The following CNTNAP2 variants were observed in gnomAD, a reference collection of about 807,000 sequenced individuals.
CNTNAP2 encodes contactin-associated protein-like 2.
In CNTNAP2, 98 loss-of-function variants were observed where a neutral mutation model predicts 155.2. That is an observed-to-expected ratio of 0.63 (90% CI 0.54 to 0.75). The LOEUF is 0.75. Among genes scored for constraint, CNTNAP2 ranks in the 30% least tolerant of loss-of-function variants. The pLI is 0.00. For missense variants in CNTNAP2, 1,727 were observed against 1,688.1 expected, an observed-to-expected ratio of 1.02 and a Z score of -0.40; for synonymous variants, 651 against 631.2, an observed-to-expected ratio of 1.03 and a Z score of -0.47.
chr7:146,411,389 C>T (rs892091475), intron 1 of CNTNAP2, among the ~76,000 whole-genome samples: 4 of 152,008 alleles, frequency 2.6e-5, no homozygotes, highest in African/African-American at 9.7e-5. Context: ...AACTCCTGAC[C>T]TTGTGATCTG....
At chr7:147,312,897 A>G (rs1441983274) in intron 9 of CNTNAP2, among the ~76,000 whole-genome samples, 3 of 131,582 alleles carry the variant, frequency 2.3e-5, no homozygotes, top group East Asian at 2.9e-4. Context: ...AAGTGTTTCT[A>G]TTTCTCCACA....
chr7:146,388,241 G>A (rs1795488822), intron 1 of CNTNAP2, among the ~76,000 whole-genome samples: 1 of 151,634 alleles, frequency 6.6e-6, no homozygotes, highest in African/African-American at 2.4e-5. Context: ...GACCAGCCTG[G>A]GCAACATGGC....
Position 146,774,279 on chromosome 7 carries a change from G to T in CNTNAP2, c.106G>T (p.Asp36Tyr). The change falls in exon 2 of 24, where the codon GAT becomes TAT. Residue 36 changes from aspartate to tyrosine, a missense_variant. Coordinates refer to ENST00000361727, the MANE Select transcript of CNTNAP2 (RefSeq NM_014141.6). ...WTAPSTSQKCDEPLVSGLPHV... is the reference protein window; with the variant it reads ...WTAPSTSQKCYEPLVSGLPHV... The stretch of plus-strand genomic sequence containing the variant: ...CTGTCTTTTGTTTTCAGAAAAATGT[G>T]ATGAGCCACTTGTCTCTGGACTCCC... 6.2e-7 allele frequency: 1 copy of T among 1,613,238 alleles called. No individual in the cohort carries two copies. Among genetic ancestry groups the T allele is most frequent in the South Asian group, 1.1e-5 (1 of 90,994 alleles).
At chr7:146,843,965 G>C (rs1803795219) in intron 3 of CNTNAP2, among the ~76,000 whole-genome samples, 1 of 152,054 alleles carries the variant, frequency 6.6e-6, no homozygotes, top group Admixed American at 6.6e-5. Context: ...GAGAAATATA[G>C]AAGATAATGT....
chr7:147,636,169 G>A (rs1191600847), intron 12 of CNTNAP2, among the ~76,000 whole-genome samples: 1 of 152,126 alleles, frequency 6.6e-6, no homozygotes, highest in Non-Finnish European at 1.5e-5. Flanking sequence ...GGTAAAACTG[G>A]AATATATTTA....
chr7:147,398,814 A>C (rs1323060642), intron 10 of CNTNAP2, among the ~76,000 whole-genome samples: 1 of 149,950 alleles, frequency 6.7e-6, no homozygotes, highest in East Asian at 2.0e-4. Flanking sequence ...TGAAAATTCT[A>C]AGCTGACATG....
At chr7:146,944,387 C>T (rs1797115289) in intron 3 of CNTNAP2, among the ~76,000 whole-genome samples, 2 of 151,696 alleles carry the variant, frequency 1.3e-5, no homozygotes, top group African/African-American at 2.4e-5. Context: ...TTATGTGTTG[C>T]ATATGGTATA....
chr7:147,935,508 C>T (rs1009932637), intron 14 of CNTNAP2, among the ~76,000 whole-genome samples: 1 of 152,108 alleles, frequency 6.6e-6, no homozygotes, highest in Non-Finnish European at 1.5e-5. Flanking sequence ...AATTTTATGC[C>T]ACCTTTTTGG....
In CNTNAP2 at chr7:147,327,635, A is replaced by G. The variant is rs145680956; in HGVS notation, c.1498+27345A>G. Among the ~76,000 whole-genome samples the G allele has an allele frequency of 2.5e-3, 383 of 152,304 alleles. 4 individuals are homozygous for G. Among genetic ancestry groups the G allele is most frequent in the African/African-American group, 8.8e-3 (366 of 41,562 alleles). On this transcript the variant is annotated intron_variant, in intron 9 of 23. Transcript: ENST00000361727. The stretch of plus-strand genomic sequence containing the variant: ...CTTTTGTAGCTGTCTGAATTTTGCA[A>G]TTATGAATGTGCATTATTTTTTCTC...
chr7:146,483,280 AAAATATATATAT>A (rs1796994522), intron 1 of CNTNAP2, among the ~76,000 whole-genome samples: 3 of 54,478 alleles, frequency 5.5e-5, no homozygotes, highest in Admixed American at 1.9e-4. Flanking sequence ...CGTCTAAAAA[AAAATATATATAT>A]ATATATATAT....
intron 18 of CNTNAP2, among the ~76,000 whole-genome samples, chr7:148,201,003 A>G (rs1441556893): frequency 6.6e-6 from 1 of 152,232 alleles, no homozygotes; most frequent in Non-Finnish European, 1.5e-5. Context: ...GATTCAACAT[A>G]AGAAGCAATG....
chr7:146,412,188 C>T (rs1639498), intron 1 of CNTNAP2, among the ~76,000 whole-genome samples: 2 of 152,128 alleles, frequency 1.3e-5, no homozygotes, highest in African/African-American at 4.8e-5. Flanking sequence ...CCACCTTCCC[C>T]CTGGAGCCCT....
intron 10 of CNTNAP2, among the ~76,000 whole-genome samples, chr7:147,476,168 C>T (rs1037166728): frequency 7.2e-5 from 11 of 152,068 alleles, no homozygotes; most frequent in Admixed American, 3.9e-4. Flanking sequence ...TGCAGTGGCA[C>T]GATCTCGGCT....
intron 15 of CNTNAP2, among the ~76,000 whole-genome samples, chr7:148,099,110 C>T (rs58342445): frequency 0.027 from 4,034 of 152,152 alleles, 173 homozygotes; most frequent in African/African-American, 0.089. Flanking sequence ...ATTGTGGAAG[C>T]GACGAAACCC....
At chr7:146,781,121 G>A (rs929032003) in intron 2 of CNTNAP2, among the ~76,000 whole-genome samples, 2 of 151,718 alleles carry the variant, frequency 1.3e-5, no homozygotes, top group South Asian at 2.1e-4. Context: ...CCAGCTACTC[G>A]GGAGGCTGAG....
At chr7:146,213,616 C>T (rs935464330) in intron 1 of CNTNAP2, among the ~76,000 whole-genome samples, 2 of 152,132 alleles carry the variant, frequency 1.3e-5, no homozygotes, top group African/African-American at 4.8e-5. Flanking sequence ...GTTAGTAGAA[C>T]ACTTTTCATC....
chr7:146,991,708 C>A (rs1167148500), intron 3 of CNTNAP2, among the ~76,000 whole-genome samples: 3 of 152,050 alleles, frequency 2.0e-5, no homozygotes, highest in African/African-American at 7.2e-5. Context: ...TTCAATTTTG[C>A]TCGTGGAAAC....
At chr7:147,237,567 A>G (rs1803836882) in intron 8 of CNTNAP2, among the ~76,000 whole-genome samples, 1 of 152,186 alleles carries the variant, frequency 6.6e-6, no homozygotes, top group Non-Finnish European at 1.5e-5. Flanking sequence ...TGCTTATTTG[A>G]ATGCCTGTGT....
intron 16 of CNTNAP2, among the ~76,000 whole-genome samples, chr7:148,129,906 G>A (rs1804796281): frequency 6.6e-6 from 1 of 152,220 alleles, no homozygotes; most frequent in Admixed American, 6.5e-5. Flanking sequence ...TCCTAAGGAT[G>A]ATGGGGGGAG....
Sources: allele counts gnomAD v4.1 joint callset (sites outside exome capture counted in the v4.1 genomes callset), GRCh38; gene constraint gnomAD v4.1.1; transcripts MANE v1.5; gene names NCBI Gene and HGNC (gene_info 2026-07-23, HGNC 2026-07-21).